Variants in STK38L observed in about 807,000 individuals in gnomAD.
The protein encoded by STK38L is serine/threonine-protein kinase 38-like.
STK38L carries 28 observed loss-of-function variants against 59.7 expected under a neutral mutation model. That is an observed-to-expected ratio of 0.47 (90% CI 0.35 to 0.64). STK38L has a LOEUF of 0.64. STK38L is among the 30% of genes least tolerant of loss of function. STK38L has a pLI of 0.01. For synonymous variants in STK38L, 162 were observed against 176.8 expected (o/e 0.92, Z 0.66); for missense variants, 314 against 555.8 (o/e 0.56, Z 4.37).
At chr12:27,244,582 C>T (rs1244377529) in intron 1 of STK38L, among the ~76,000 whole-genome samples, 1 of 152,188 alleles carries the variant, frequency 6.6e-6, no homozygotes, top group Non-Finnish European at 1.5e-5. Flanking sequence ...TTGTCCTCTG[C>T]TCCTTTCTCC....
At chr12:27,312,447 T>C in intron 5 of STK38L, 102 bp from the exon 6 acceptor site, 1 of 1,280,118 alleles carries the variant, frequency 7.8e-7, no homozygotes, top group Non-Finnish European at 1.1e-6. Context: ...TGAAACTCCA[T>C]CTTTCCTTCA....
At chr12:27,249,381 A>G (rs1172303188) in intron 1 of STK38L, among the ~76,000 whole-genome samples, 1 of 152,108 alleles carries the variant, frequency 6.6e-6, no homozygotes, top group Non-Finnish European at 1.5e-5. Context: ...TCTTGTTGCC[A>G]AGGCTGGAGC....
At chr12:27,269,731 C>A (rs1185431625) in intron 1 of STK38L, among the ~76,000 whole-genome samples, 2 of 152,194 alleles carry the variant, frequency 1.3e-5, no homozygotes, top group Non-Finnish European at 2.9e-5. Context: ...CAACCTTTGC[C>A]TCCTGGGTTC....
At chr12:27,309,697 C>T (rs1370883863) in intron 5 of STK38L, among the ~76,000 whole-genome samples, 1 of 152,210 alleles carries the variant, frequency 6.6e-6, no homozygotes, top group Non-Finnish European at 1.5e-5. Flanking sequence ...TCTCCAAATA[C>T]AGCCTCATTG....
intron 1 of STK38L, among the ~76,000 whole-genome samples, chr12:27,262,263 C>T (rs940037841): frequency 6.6e-6 from 1 of 152,144 alleles, no homozygotes. Flanking sequence ...CCAGCCATTA[C>T]ACACTGAAAC....
Position 27,314,650 on chromosome 12 carries a change from G to A in STK38L, c.664G>A (p.Asp222Asn), listed in dbSNP as rs1944541176. 6.3e-7 allele frequency: 1 copy of A among 1,599,166 alleles called. No homozygotes were observed. The highest frequency in any genetic ancestry group is 8.5e-7 in the Non-Finnish European group (1 of 1,174,314). ...RDIKPDNLLL[D>N]AKGHVKLSDF... ...TATTAAGCCAGACAACCTTTTATTG[G>A]ATGCCAAGGCATGTGAATAAACTGG... is the stretch of plus-strand genomic sequence containing the variant. Residue 222 changes from aspartate to asparagine, a missense_variant, in exon 7 of 14, where the codon GAT becomes AAT. Transcript: ENST00000389032.
chr12:27,247,982 T>G (rs1942892754), intron 1 of STK38L, among the ~76,000 whole-genome samples: 1 of 151,574 alleles, frequency 6.6e-6, no homozygotes, highest in Non-Finnish European at 1.5e-5. Flanking sequence ...GCCCGACTGA[T>G]TTTTAAATTT....
chr12:27,272,902 G>A (rs372312748), intron 1 of STK38L, among the ~76,000 whole-genome samples: 1 of 152,130 alleles, frequency 6.6e-6, no homozygotes, highest in East Asian at 1.9e-4. Flanking sequence ...GATAAGTACT[G>A]AAAACTTTGG....
At chr12:27,271,043 T>C (rs1051015952) in intron 1 of STK38L, among the ~76,000 whole-genome samples, 2 of 152,192 alleles carry the variant, frequency 1.3e-5, no homozygotes, top group Non-Finnish European at 2.9e-5. Context: ...TTTCTTCAAA[T>C]TGACCCTTAT....
Position 27,318,022 on chromosome 12 carries a change from T to G in STK38L, c.1079+3T>G. The G allele has an allele frequency of 6.2e-7, 1 of 1,613,748 alleles. No individual in the cohort carries two copies. Among genetic ancestry groups the G allele is most frequent in the Non-Finnish European group, 8.5e-7 (1 of 1,179,874 alleles). On this transcript the variant is annotated splice_donor_region_variant and intron_variant, in intron 11 of 13. Transcript: ENST00000389032. ...AAAGCCAAGGACTTAATTCTCAGGTTAGTGGTTAAATTCCTAGAGGAGTTC... is the reference window on the plus strand; with the variant it reads ...AAAGCCAAGGACTTAATTCTCAGGTGAGTGGTTAAATTCCTAGAGGAGTTC...
chr12:27,269,750 C>T (rs1034485820), intron 1 of STK38L, among the ~76,000 whole-genome samples: 1 of 152,154 alleles, frequency 6.6e-6, no homozygotes, highest in Non-Finnish European at 1.5e-5. Flanking sequence ...TCAAGTGATT[C>T]TCCTGCCTCA....
intron 1 of STK38L, among the ~76,000 whole-genome samples, chr12:27,245,968 G>GA (rs1942842148): frequency 6.6e-6 from 1 of 152,094 alleles, no homozygotes. Flanking sequence ...CACTAGGAAT[G>GA]AAAAAATTAG....
chr12:27,265,344 T>C (rs1943281588), intron 1 of STK38L, among the ~76,000 whole-genome samples: 1 of 152,210 alleles, frequency 6.6e-6, no homozygotes, highest in Non-Finnish European at 1.5e-5. Flanking sequence ...TTTTCCCATG[T>C]CATGAATTAT....
Position 27,308,216 on chromosome 12 carries a change from C to T in STK38L, c.187-123C>T, listed in dbSNP as rs1316957126. On this transcript the variant is annotated intron_variant, in intron 3 of 13. Transcript: ENST00000389032. This position sits in a 1 kb window ranked among gnomAD's most constrained non-coding sequence, Gnocchi z 4.5. ...AAAGTTTTCTTTAAATTGTTTTAGCCTAATAGTATATTACATATTAGTGCT... is the reference window on the plus strand; with the variant it reads ...AAAGTTTTCTTTAAATTGTTTTAGCTTAATAGTATATTACATATTAGTGCT... 2.2e-6 allele frequency: 2 copies of T among 897,946 alleles called. No individual in the cohort carries two copies. Among genetic ancestry groups the T allele is most frequent in the Non-Finnish European group, 3.0e-6 (2 of 676,166 alleles). The allele number at this position is 897,946 out of a possible 1,614,324, so 55.6% of individuals were successfully genotyped here.
intron 1 of STK38L, among the ~76,000 whole-genome samples, chr12:27,251,045 C>T (rs1199072559): frequency 1.3e-5 from 2 of 150,502 alleles, no homozygotes; most frequent in Non-Finnish European, 1.5e-5. Context: ...CAGGTTTGCT[C>T]TCTCTTACAT....
At chr12:27,285,928 T>C (rs1472674883) in intron 1 of STK38L, among the ~76,000 whole-genome samples, 2 of 152,206 alleles carry the variant, frequency 1.3e-5, no homozygotes, top group Non-Finnish European at 2.9e-5. Context: ...GATATGGTCC[T>C]TTCTAGTCAC....
intron 1 of STK38L, among the ~76,000 whole-genome samples, chr12:27,286,528 A>G (rs1201128903): frequency 6.6e-6 from 1 of 152,042 alleles, no homozygotes; most frequent in East Asian, 1.9e-4. Flanking sequence ...TTGCAGGGAG[A>G]ATTTTCTTCA....
chr12:27,320,161 C>G (rs991323008), intron 12 of STK38L, among the ~76,000 whole-genome samples: 1 of 152,238 alleles, frequency 6.6e-6, no homozygotes, highest in South Asian at 2.1e-4. Context: ...TCTACCCCTA[C>G]CCTGCCTAGC....
At chr12:27,289,661 G>A (rs771461949) in intron 1 of STK38L, among the ~76,000 whole-genome samples, 11 of 152,286 alleles carry the variant, frequency 7.2e-5, no homozygotes, top group Middle Eastern at 3.4e-3. Flanking sequence ...ACATGGAGAG[G>A]GCCACGCTAA....
Sources: gnomAD v4.1 joint callset for allele counts (sites outside exome capture counted in the v4.1 genomes callset) on GRCh38, gnomAD v4.1.1 for gene constraint, Gnocchi (gnomAD v3.1) non-coding constraint, MANE v1.5 for transcripts, NCBI Gene and HGNC (gene_info 2026-07-23, HGNC 2026-07-21) for gene names.